RFX3: variants seen among roughly 807,000 people sequenced by gnomAD.
The protein encoded by RFX3 is transcription factor RFX3.
In RFX3, 14 loss-of-function variants were observed where a neutral mutation model predicts 98.6. The observed-to-expected ratio is 0.14, with a 90% confidence interval of 0.09 to 0.22. The LOEUF (loss-of-function observed/expected upper bound fraction) is 0.22. Among genes scored for constraint, RFX3 ranks in the 10% least tolerant of loss-of-function variants. The pLI is 1.00. For missense variants in RFX3, 639 were observed against 926.9 expected (o/e 0.69, Z 4.03); for synonymous variants, 383 against 328.4 (o/e 1.17, Z -1.80).
In RFX3 at chr9:3,313,841, C is replaced by T. The variant is rs147984986; in HGVS notation, c.475-12221G>A. Among the ~76,000 whole-genome samples, 951 of 152,152 alleles carry T rather than the reference C, an allele frequency of 6.3e-3. 8 individuals are homozygous for T. The highest frequency in any genetic ancestry group is 0.021 in the African/African-American group (879 of 41,532). ...TTAGAAAAAACAGAGTAAAAAGAAA[C>T]GAACAAAGCCTCCAAGAAATATGGG... On this transcript the variant is annotated intron_variant, in intron 4 of 16. Coordinates refer to ENST00000617270, the MANE Select transcript of RFX3 (RefSeq NM_001282116.2).
At chr9:3,262,742 T>C (rs1004874865) in intron 13 of RFX3, among the ~76,000 whole-genome samples, 193 bp downstream of exon 13, 1 of 152,220 alleles carries the variant, frequency 6.6e-6, no homozygotes, top group African/African-American at 2.4e-5. Context: ...ACTGTAAATG[T>C]GAGCTTACTT....
At chr9:3,461,271 A>G (rs932166265) in intron 1 of RFX3, among the ~76,000 whole-genome samples, 1 of 151,930 alleles carries the variant, frequency 6.6e-6, no homozygotes, top group African/African-American at 2.4e-5. Context: ...AAAGTTCACC[A>G]TTTTTATTCA....
intron 2 of RFX3, among the ~76,000 whole-genome samples, chr9:3,371,036 T>C (rs1837785018): frequency 6.6e-6 from 1 of 152,182 alleles, no homozygotes; most frequent in Non-Finnish European, 1.5e-5. Flanking sequence ...CAAAATATTA[T>C]TAAATTATTT....
chr9:3,434,078 G>C (rs968839197), intron 1 of RFX3, among the ~76,000 whole-genome samples: 1 of 151,996 alleles, frequency 6.6e-6, no homozygotes, highest in Non-Finnish European at 1.5e-5. Flanking sequence ...TCTGGGTGGG[G>C]CCTGAGATTC....
intron 4 of RFX3, among the ~76,000 whole-genome samples, chr9:3,311,839 G>T (rs1804234511): frequency 6.7e-6 from 1 of 148,814 alleles, no homozygotes; most frequent in Admixed American, 6.7e-5. Flanking sequence ...AGCCAAGATT[G>T]CACCACTGCA....
At chr9:3,398,891 G>C (rs1171906050) in intron 1 of RFX3, among the ~76,000 whole-genome samples, 1 of 116,274 alleles carries the variant, frequency 8.6e-6, no homozygotes, top group East Asian at 2.7e-4. Flanking sequence ...ATGTGCACAT[G>C]TACCCTAAAA....
intron 1 of RFX3, among the ~76,000 whole-genome samples, chr9:3,475,859 G>C (rs1214642373): frequency 6.6e-6 from 1 of 152,126 alleles, no homozygotes; most frequent in African/African-American, 2.4e-5. Context: ...GGGAAAGGGA[G>C]ACTCCCCTTC....
chr9:3,388,392 G>A (rs1839943774), intron 2 of RFX3, among the ~76,000 whole-genome samples: 1 of 152,024 alleles, frequency 6.6e-6, no homozygotes. Flanking sequence ...GTTCCCCAAA[G>A]AAAATGTCTT....
At chr9:3,513,387 G>C (rs1276698659) in intron 1 of RFX3, among the ~76,000 whole-genome samples, 1 of 151,960 alleles carries the variant, frequency 6.6e-6, no homozygotes, top group African/African-American at 2.4e-5. Context: ...TCATACTCTA[G>C]TTTTTCAAAT....
chr9:3,504,913 TAATATA>T (rs1564185668), intron 1 of RFX3, among the ~76,000 whole-genome samples: 1 of 74,112 alleles, frequency 1.3e-5, no homozygotes, highest in Non-Finnish European at 2.2e-5. Context: ...TATATATATA[TAATATA>T]ACATATATTA....
At chr9:3,318,360 C>T (rs770995917) in intron 4 of RFX3, among the ~76,000 whole-genome samples, 7 of 151,854 alleles carry the variant, frequency 4.6e-5, no homozygotes, top group Admixed American at 1.3e-4. Context: ...CATCACACTC[C>T]GGGCACTGCT....
intron 2 of RFX3, among the ~76,000 whole-genome samples, chr9:3,367,792 T>C (rs915552560): frequency 6.6e-6 from 1 of 152,230 alleles, no homozygotes; most frequent in African/African-American, 2.4e-5. Flanking sequence ...AATACAAGGA[T>C]AATTCTTCCT....
At chr9:3,441,922 G>A (rs1199869958) in intron 1 of RFX3, among the ~76,000 whole-genome samples, 6 of 152,166 alleles carry the variant, frequency 3.9e-5, no homozygotes, top group East Asian at 1.9e-4. Flanking sequence ...TTTACCAGCC[G>A]GGCATGGTGG....
intron 4 of RFX3, among the ~76,000 whole-genome samples, chr9:3,316,110 G>A (rs1006811722): frequency 2.6e-5 from 4 of 152,036 alleles, no homozygotes; most frequent in South Asian, 2.1e-4. Context: ...GATGAACATC[G>A]ATGCAAAAAT....
intron 3 of RFX3, among the ~76,000 whole-genome samples, chr9:3,340,742 A>T (rs1833790450): frequency 6.6e-6 from 1 of 152,116 alleles, no homozygotes; most frequent in Non-Finnish European, 1.5e-5. Flanking sequence ...ATCCTTAAAA[A>T]CTCAGGAAAC....
At chr9:3,333,137 T>C in intron 3 of RFX3, among the ~76,000 whole-genome samples, 1 of 152,194 alleles carries the variant, frequency 6.6e-6, no homozygotes, top group East Asian at 1.9e-4. Flanking sequence ...ATAAAAATAT[T>C]TAAAAGTATG....
At chr9:3,329,116 T>C (rs1469014651) in intron 4 of RFX3, among the ~76,000 whole-genome samples, 1 of 152,006 alleles carries the variant, frequency 6.6e-6, no homozygotes, top group Non-Finnish European at 1.5e-5. Flanking sequence ...CTAAAATACA[T>C]TGTGTTGGCC....
At chr9:3,338,601 G>A (rs970279903) in intron 3 of RFX3, among the ~76,000 whole-genome samples, 3 of 152,156 alleles carry the variant, frequency 2.0e-5, no homozygotes, top group African/African-American at 7.2e-5. Context: ...TTGCAACACA[G>A]AGAGCTAGGT....
At position 3,491,750 on chromosome 9, in the gene RFX3, G is replaced by C. The variant is rs181285376; in HGVS notation, c.-9+33997C>G. ...GATTACAACTTCCTCAGGTATACCA[G>C]TTTACTGATGATACAAATTTCTGTC... On this transcript the variant is annotated intron_variant, in intron 1 of 16. Transcript: ENST00000617270. Among the ~76,000 whole-genome samples, 803 of 152,246 alleles carry C rather than the reference G, an allele frequency of 5.3e-3. 9 individuals are homozygous for C. Among genetic ancestry groups the C allele is most frequent in the African/African-American group, 0.018 (765 of 41,544 alleles).
Sources: allele counts gnomAD v4.1 joint callset (sites outside exome capture counted in the v4.1 genomes callset), GRCh38; gene constraint gnomAD v4.1.1; transcripts MANE v1.5; gene names NCBI Gene and HGNC (gene_info 2026-07-23, HGNC 2026-07-21).